The following PAX7 variants were observed in gnomAD, a reference collection of about 807,000 sequenced individuals.
PAX7 encodes the protein paired box protein Pax-7.
A neutral mutation model predicts 50.7 loss-of-function variants in PAX7; 18 were observed. The ratio of observed to expected loss-of-function variants is 0.36; its 90% CI spans 0.25 to 0.53. The LOEUF (loss-of-function observed/expected upper bound fraction) is 0.53. Ranked by LOEUF, PAX7 falls within the 20% of genes least tolerant of loss-of-function variation. PAX7 has a pLI of 0.93. For missense variants in PAX7, 644 were observed against 702.9 expected, an observed-to-expected ratio of 0.92 and a Z score of 0.95; for synonymous variants, 310 against 290.4, an observed-to-expected ratio of 1.07 and a Z score of -0.69.
At position 18,726,240 on chromosome 1, in the gene PAX7, C is replaced by T. The variant is rs1451513257; in HGVS notation, c.1156-9392C>T. Among the ~76,000 whole-genome samples, 1 of 152,126 alleles carries T rather than the reference C, an allele frequency of 6.6e-6. No homozygotes were observed. The highest frequency in any genetic ancestry group is 2.4e-5 in the African/African-American group (1 of 41,502). ...TGTTCCTCCCTCCACCCCCACCTCA[C>T]CTCTAGACAGTCCTTAACTAAAAGC... On this transcript the variant is annotated intron_variant, in intron 7 of 8. Coordinates refer to ENST00000420770, the MANE Select transcript of PAX7 (RefSeq NM_001135254.2). The surrounding 1 kb of genome is among the most constrained non-coding windows in gnomAD (Gnocchi z 4.8).
rs536091026 is a variant in PAX7 at position 18,690,492 on chromosome 1, A to G, written c.587-1262A>G. 7.9e-5 allele frequency among the ~76,000 whole-genome samples: 12 copies of G among 152,286 alleles called. No homozygotes were observed. In the East Asian group the frequency reaches 2.3e-3, roughly 30 times the overall value. On this transcript the variant is annotated intron_variant, in intron 4 of 8. Transcript: ENST00000420770. ...GACGTGGGCAGGAGCCACAGGATTG[A>G]TGGGGACAGGGAGCTGATACCTGGG...
In PAX7 at chr1:18,745,831, A is replaced by G. The variant is rs1931417262; in HGVS notation, c.*902A>G. ...ATCAGATGAGATGGGGAGGGGATAA[A>G]GTCTTGAGGATACATGAGTGGAGGA... On this transcript the variant is annotated 3_prime_UTR_variant, in exon 9 of 9. Coordinates refer to ENST00000420770, the MANE Select transcript of PAX7 (RefSeq NM_001135254.2). The G allele has an allele frequency of 4.3e-6, 1 of 232,424 alleles. No individual in the cohort carries two copies. Among genetic ancestry groups the G allele is most frequent in the African/African-American group, 2.2e-5 (1 of 45,382 alleles). The allele number at this position is 232,424 out of a possible 1,614,324, so 14.4% of individuals were successfully genotyped here.
chr1:18,691,804 C>A lies in PAX7; in HGVS notation c.637C>A (p.Leu213Met), dbSNP rs769511200. 1.2e-6 allele frequency: 2 copies of A among 1,608,824 alleles called. No homozygotes were observed. The highest frequency in any genetic ancestry group is 2.2e-5 in the East Asian group (1 of 44,590). The change falls in exon 5 of 9, where the codon CTG becomes ATG. Residue 213 changes from leucine (L) to methionine (M), a missense_variant. Transcript: ENST00000420770. Reference protein sequence around the residue: ...SDVESEPDLPLKRKQRRSRTT... With the variant: ...SDVESEPDLPMKRKQRRSRTT... ...TGTGGAGTCGGAACCTGACCTCCCA[C>A]TGAAGCGCAAGCAGCGACGCAGTCG...
At chr1:18,698,948 C>A (rs1008235904) in intron 5 of PAX7, among the ~76,000 whole-genome samples, 1 of 152,210 alleles carries the variant, frequency 6.6e-6, no homozygotes, top group Non-Finnish European at 1.5e-5. Flanking sequence ...TCAGCAGACA[C>A]GGCCCAGAGA....
chr1:18,718,679 T>G (rs1192788965), intron 7 of PAX7, among the ~76,000 whole-genome samples: 2 of 151,496 alleles, frequency 1.3e-5, no homozygotes, highest in Non-Finnish European at 1.5e-5. Flanking sequence ...AGTCTCGCTG[T>G]GTCGCCAGGC....
intron 7 of PAX7, among the ~76,000 whole-genome samples, chr1:18,710,417 G>A (rs937131007): frequency 1.3e-5 from 2 of 151,942 alleles, no homozygotes; most frequent in Non-Finnish European, 2.9e-5. Flanking sequence ...CCCCTTCATT[G>A]GCGACACTGC....
intron 2 of PAX7, 83 bp from the exon 3 acceptor site, chr1:18,635,028 G>A (rs1187196245): frequency 1.3e-6 from 2 of 1,521,100 alleles, no homozygotes; most frequent in Non-Finnish European, 1.8e-6. Flanking sequence ...CCTGGTCTGG[G>A]GCTCTTAAGA....
intron 7 of PAX7, among the ~76,000 whole-genome samples, chr1:18,710,662 A>T (rs1304485941): frequency 6.6e-6 from 1 of 152,148 alleles, no homozygotes; most frequent in Non-Finnish European, 1.5e-5. Context: ...ACAAGCAGAA[A>T]ATAAGATTGA....
intron 7 of PAX7, 27 bp downstream of exon 7, chr1:18,703,323 G>C (rs1339386870): frequency 6.2e-7 from 1 of 1,600,850 alleles, no homozygotes; most frequent in South Asian, 1.1e-5. Context: ...CAGCACCCAG[G>C]ATCCCACCGC....
At position 18,631,197 on chromosome 1, in the gene PAX7, C is replaced by G. The variant is rs2088034993; in HGVS notation, c.-407C>G. ...GCGCGAGAGCGCGGCGCTCGCCACT[C>G]TGAGGCTGGCGGCCTCGATTCCGGC... On this transcript the variant is annotated 5_prime_UTR_variant, in exon 1 of 9. Transcript: ENST00000420770. The G allele has an allele frequency of 1.2e-5, 3 of 243,932 alleles. No individual in the cohort carries two copies. The highest frequency in any genetic ancestry group is 5.4e-5 in the Admixed American group (1 of 18,566). 15.1% of individuals were successfully genotyped at this position (243,932 alleles called of 1,614,324 possible).
chr1:18,712,487 G>A (rs1355832780), intron 7 of PAX7, among the ~76,000 whole-genome samples: 1 of 152,132 alleles, frequency 6.6e-6, no homozygotes, highest in African/African-American at 2.4e-5. Context: ...TGAGGGGGCA[G>A]GGGAGAAGGA....
At position 18,633,947 on chromosome 1, in the gene PAX7, G is replaced by A. The variant is rs191167724; in HGVS notation, c.86-356G>A. ...AGATCTCTAAGGCTCTACCAGCCTG[G>A]TGGCTCTGTCTGCAGTCTCATCTTC... is the stretch of plus-strand genomic sequence containing the variant. On this transcript the variant is annotated intron_variant, in intron 1 of 8. Transcript: ENST00000420770. 7.0e-3 allele frequency among the ~76,000 whole-genome samples: 1,066 copies of A among 152,314 alleles called. 8 individuals carry two copies. The highest frequency in any genetic ancestry group is 0.011 in the Admixed American group (170 of 15,302).
intron 4 of PAX7, among the ~76,000 whole-genome samples, chr1:18,659,152 T>C (rs2088565679): frequency 6.6e-6 from 1 of 152,114 alleles, no homozygotes; most frequent in African/African-American, 2.4e-5. Flanking sequence ...TCCTAGTGAG[T>C]TTTGTTCTGT....
Position 18,635,014 on chromosome 1 carries a change from C to G in PAX7, c.322-97C>G, listed in dbSNP as rs187521955. The G allele has an allele frequency of 4.8e-6, 7 of 1,457,530 alleles. No individual in the cohort carries two copies. The Admixed American group carries it at 1.4e-4, about 29-fold the overall frequency. The allele number at this position is 1,457,530 out of a possible 1,614,324, so 90.3% of individuals were successfully genotyped here. On this transcript the variant is annotated intron_variant, in intron 2 of 8. Coordinates refer to ENST00000420770, the MANE Select transcript of PAX7 (RefSeq NM_001135254.2). ...GGGGGACACAAGGTAACCAGAACCA[C>G]CAGCCTGGTCTGGGGCTCTTAAGAG...
At chr1:18,641,958 C>CT (rs1280760384) in intron 4 of PAX7, among the ~76,000 whole-genome samples, 2 of 151,434 alleles carry the variant, frequency 1.3e-5, no homozygotes, top group Non-Finnish European at 2.9e-5. Context: ...TAACCTCCCC[C>CT]CCCCCAACTC....
intron 4 of PAX7, among the ~76,000 whole-genome samples, chr1:18,653,712 T>A (rs2088470142): frequency 6.6e-6 from 1 of 151,910 alleles, no homozygotes; most frequent in Non-Finnish European, 1.5e-5. Context: ...GCCCCCATTT[T>A]ACAGATAGGA....
chr1:18,639,395 A>ATTTT (rs3079731), intron 4 of PAX7, among the ~76,000 whole-genome samples: 2,210 of 149,264 alleles, frequency 0.015, 25 homozygotes, highest in African/African-American at 0.036. Context: ...GGCTGTTCAT[A>ATTTT]TTTTTTTTTT....
intron 4 of PAX7, among the ~76,000 whole-genome samples, chr1:18,656,682 T>C (rs568172065): frequency 4.6e-5 from 7 of 150,848 alleles, no homozygotes; most frequent in Non-Finnish European, 8.8e-5. Context: ...GTAAAATAAA[T>C]GCATGCATAA....
At chr1:18,639,969 G>A (rs12405869) in intron 4 of PAX7, among the ~76,000 whole-genome samples, 3,531 of 141,388 alleles carry the variant, frequency 0.025, 91 homozygotes, top group East Asian at 0.15. Context: ...AGTGGAGGTA[G>A]CATTTTTCTC....
Sources: allele counts gnomAD v4.1 joint callset (sites outside exome capture counted in the v4.1 genomes callset), GRCh38; gene constraint gnomAD v4.1.1; non-coding constraint Gnocchi (gnomAD v3.1); transcripts MANE v1.5; gene names NCBI Gene and HGNC (gene_info 2026-07-23, HGNC 2026-07-21).